PCNT: variants seen among roughly 807,000 people sequenced by gnomAD.
PCNT encodes the protein pericentrin, also known as kendrin.
Under a neutral mutation model 380.4 loss-of-function variants are expected in PCNT, and 319 were observed. The observed-to-expected ratio is 0.84, with a 90% CI of 0.77 to 0.92. The LOEUF is 0.92. Ranked by LOEUF, PCNT falls within the 40% of genes least tolerant of loss-of-function variation. The pLI, the probability that PCNT is intolerant of heterozygous loss-of-function variation, is 0.00. For synonymous variants in PCNT, 1,845 were observed against 1,735.2 expected (o/e 1.06, Z -1.57); for missense variants, 4,400 against 4,255.3 (o/e 1.03, Z -0.95).
intron 21 of PCNT, among the ~76,000 whole-genome samples, chr21:46,397,022 G>A (rs2086233367): frequency 6.6e-6 from 1 of 152,176 alleles, no homozygotes; most frequent in African/African-American, 2.4e-5. Flanking sequence ...GTTTCTGTCT[G>A]GGAGACTGTA....
chr21:46,418,424 C>G, intron 31 of PCNT, 118 bp downstream of exon 31: 1 of 724,210 alleles, frequency 1.4e-6, no homozygotes, highest in Non-Finnish European at 2.5e-6. Flanking sequence ...CTGACCTCCA[C>G]CCCGGCTCTG....
intron 21 of PCNT, among the ~76,000 whole-genome samples, chr21:46,395,341 A>C (rs1011123640): frequency 2.0e-5 from 3 of 152,228 alleles, no homozygotes; most frequent in African/African-American, 7.2e-5. Flanking sequence ...TCACAGCTGT[A>C]ATCCCAGAAC....
intron 15 of PCNT, among the ~76,000 whole-genome samples, chr21:46,377,886 C>T (rs964234343): frequency 6.6e-6 from 1 of 152,038 alleles, no homozygotes; most frequent in Non-Finnish European, 1.5e-5. Context: ...ACAAGAAACT[C>T]CCCATTCTCC....
Position 46,430,488 on chromosome 21 carries a change from C to G in PCNT, c.7914-19C>G. 1 of 1,549,834 alleles carries G rather than the reference C, an allele frequency of 6.5e-7. No homozygotes were observed. The highest frequency in any genetic ancestry group is 8.7e-7 in the Non-Finnish European group (1 of 1,147,034). On this transcript the variant is annotated intron_variant, in intron 36 of 46. Transcript: ENST00000359568. ...CTCTGGCCCACGTGGTCAGATTGTT[C>G]TGCGATGTCTCCACGCAGATCCATG...
rs764560918 is a variant in PCNT at position 46,398,041 on chromosome 21, C to T, written c.4474C>T (p.Arg1492Cys). ...DEQAAEREHE[R>C]EEFQQEIQRL... ...GCAGGCAGCCGAGCGGGAGCACGAG[C>T]GCGAGGAGTTCCAGCAGGAGATTCA... The change falls in exon 23 of 47, where the codon CGC becomes TGC. Residue 1492 changes from arginine (R) to cysteine (C), a missense_variant. Coordinates refer to ENST00000359568, the MANE Select transcript of PCNT (RefSeq NM_006031.6). The T allele has an allele frequency of 7.5e-6, 12 of 1,592,212 alleles. No individual in the cohort carries two copies. Among genetic ancestry groups the T allele is most frequent in the South Asian group, 4.5e-5 (4 of 88,208 alleles).
chr21:46,421,348 C>T (rs541779046), intron 31 of PCNT, among the ~76,000 whole-genome samples: 38 of 152,350 alleles, frequency 2.5e-4, no homozygotes, highest in South Asian at 6.2e-4. Context: ...GCCTCCTCCT[C>T]GTCTGGGTCT....
chr21:46,413,943 C>G (rs1602017520), intron 29 of PCNT, among the ~76,000 whole-genome samples: 1 of 152,064 alleles, frequency 6.6e-6, no homozygotes, highest in Non-Finnish European at 1.5e-5. Flanking sequence ...CAGGAGCTGC[C>G]CTCTCCTCAG....
At position 46,388,876 on chromosome 21, in the gene PCNT, T is replaced by G. The variant is rs943191546; in HGVS notation, c.3599T>G (p.Leu1200Arg). The change falls in exon 18 of 47, where the codon CTG (leucine) becomes CGG (arginine). Residue 1200 changes from leucine (L) to arginine (R), a missense_variant. Physicochemically the swap from Leu to Arg is moderately radical, Grantham distance 102. Coordinates refer to ENST00000359568, the MANE Select transcript of PCNT (RefSeq NM_006031.6). The surrounding 1 kb of genome is among the most constrained non-coding windows in gnomAD (Gnocchi z 4.2). ...GATGACGCGGGCGCAGGCCTGGCCC[T>G]GTCGACAGGTGAGTGTGCCGGGACC... ...CLDDAGAGLA[L>R]STAPALEETW... The G allele has an allele frequency of 6.9e-6, 11 of 1,601,954 alleles. No individual in the cohort carries two copies. The highest frequency in any genetic ancestry group is 8.5e-6 in the Non-Finnish European group (10 of 1,178,338).
chr21:46,348,771 C>T (rs979064440), intron 6 of PCNT, among the ~76,000 whole-genome samples: 12 of 151,862 alleles, frequency 7.9e-5, no homozygotes, highest in Admixed American at 4.6e-4. Flanking sequence ...CATGCCACCA[C>T]ATCCCACTAA....
chr21:46,371,898 TACAC>T (rs1449022818), intron 15 of PCNT, among the ~76,000 whole-genome samples: 1 of 133,108 alleles, frequency 7.5e-6, no homozygotes, highest in Non-Finnish European at 1.6e-5. Flanking sequence ...ACACAGCACA[TACAC>T]AGCACATGTG....
chr21:46,440,737 T>G, intron 42 of PCNT, 118 bp from the exon 43 acceptor site: 1 of 738,724 alleles, frequency 1.4e-6, no homozygotes, highest in Non-Finnish European at 2.4e-6. Context: ...GGCTCTGTGA[T>G]GATTTGATGG....
In PCNT at chr21:46,425,697, G is replaced by A. The variant is rs559868001; in HGVS notation, c.7180-134G>A. 48 of 1,284,076 alleles carry A rather than the reference G, an allele frequency of 3.7e-5. No homozygotes were observed. Among genetic ancestry groups the A allele is most frequent in the Admixed American group, 1.7e-4 (10 of 58,998 alleles). 79.5% of individuals were successfully genotyped at this position (1,284,076 alleles called of 1,614,324 possible). ...AAGTGGGTGCCGCCTGTACGAAGCCGAGGCGGTGCCCTCCCTCTCCACAGC... is the reference window on the plus strand; with the variant it reads ...AAGTGGGTGCCGCCTGTACGAAGCCAAGGCGGTGCCCTCCCTCTCCACAGC... On this transcript the variant is annotated intron_variant, in intron 32 of 46. Coordinates refer to ENST00000359568, the MANE Select transcript of PCNT (RefSeq NM_006031.6). This position sits in a 1 kb window ranked among gnomAD's most constrained non-coding sequence, Gnocchi z 4.2.
intron 6 of PCNT, 77 bp from the exon 7 acceptor site, chr21:46,348,935 G>T: frequency 9.7e-7 from 1 of 1,027,874 alleles, no homozygotes; most frequent in Non-Finnish European, 1.5e-6. Flanking sequence ...CTGCTCAGAG[G>T]TTTTGACTGT....
chr21:46,354,943 A>C lies in PCNT; in HGVS notation c.1762-509A>C, dbSNP rs540791848. Among the ~76,000 whole-genome samples, 12 of 152,346 alleles carry C rather than the reference A, an allele frequency of 7.9e-5. No homozygotes were observed. The South Asian group carries it at 1.0e-3, about 13-fold the overall frequency. ...CCCACGAGCAGGCCTTGCACCAGAG[A>C]GAACCCAGGAAGGGCTGGGGTGGGT... On this transcript the variant is annotated intron_variant, in intron 11 of 46. Transcript: ENST00000359568.
chr21:46,378,916 C>T lies in PCNT; in HGVS notation c.3166-2778C>T, dbSNP rs117060607. Among the ~76,000 whole-genome samples, 77 of 152,256 alleles carry T rather than the reference C, an allele frequency of 5.1e-4. 1 individual carries two copies. The East Asian group carries it at 0.013, about 26-fold the overall frequency. On this transcript the variant is annotated intron_variant, in intron 15 of 46. Coordinates refer to ENST00000359568, the MANE Select transcript of PCNT (RefSeq NM_006031.6). The stretch of plus-strand genomic sequence containing the variant: ...TTACTTTATGCACGTGTCTTTTAAA[C>T]CAGGAGGAAGAAGAATTGTAAACAA...
chr21:46,370,991 C>T (rs1052115423), intron 15 of PCNT, among the ~76,000 whole-genome samples: 11 of 151,880 alleles, frequency 7.2e-5, no homozygotes, highest in Admixed American at 5.2e-4. Context: ...GCTGAGATCG[C>T]GCCATTGCCC....
chr21:46,405,158 G>C (rs962759483), intron 27 of PCNT, among the ~76,000 whole-genome samples: 3 of 152,070 alleles, frequency 2.0e-5, no homozygotes, highest in Admixed American at 2.0e-4. Context: ...ACTTGAGCCT[G>C]GGAGGCCAAG....
intron 41 of PCNT, among the ~76,000 whole-genome samples, chr21:46,438,726 G>A (rs184161457): frequency 2.8e-5 from 4 of 143,318 alleles, no homozygotes; most frequent in African/African-American, 1.0e-4. Flanking sequence ...AGGCTAGAGT[G>A]CAGTGGTGCG....
intron 4 of PCNT, 82 bp from the exon 5 acceptor site, chr21:46,346,661 T>G: frequency 6.7e-7 from 1 of 1,487,534 alleles, no homozygotes. Flanking sequence ...TCCTTACTCA[T>G]TCTCATTCAT....
Sources: allele counts gnomAD v4.1 joint callset (sites outside exome capture counted in the v4.1 genomes callset), GRCh38; gene constraint gnomAD v4.1.1; non-coding constraint Gnocchi (gnomAD v3.1); transcripts MANE v1.5; gene names NCBI Gene and HGNC (gene_info 2026-07-23, HGNC 2026-07-21).